The following CDKL5 variants were observed in gnomAD, a reference collection of about 807,000 sequenced individuals.
CDKL5 encodes the protein cyclin dependent kinase like 5.
Under a neutral mutation model 61.7 loss-of-function variants are expected in CDKL5, and 8 were observed. The observed-to-expected ratio is 0.13, with a 90% CI of 0.08 to 0.23. The LOEUF is 0.23. CDKL5 is among the 10% of genes least tolerant of loss of function. CDKL5 has a pLI of 1.00. For synonymous variants in CDKL5, 275 were observed against 272.3 expected (o/e 1.01, Z -0.10); for missense variants, 440 against 734.5 (o/e 0.60, Z 4.63).
intron 3 of CDKL5, among the ~76,000 whole-genome samples, chrX:18,515,648 T>TG (rs1341577175): frequency 9.0e-6 from 1 of 110,743 alleles, no homozygotes; most frequent in Non-Finnish European, 1.9e-5. Context: ...TATATGAGTT[T>TG]GGGGGGAGAA....
Position 18,631,953 on chromosome X carries a change from C to A in CDKL5, c.*3196C>A. 1 of 663,573 alleles carries A rather than the reference C, an allele frequency of 1.5e-6. No individual in the cohort carries two copies. The highest frequency in any genetic ancestry group is 1.8e-6 in the Non-Finnish European group (1 of 556,731). The allele number at this position is 663,573 out of a possible 1,213,427, so 54.7% of individuals were successfully genotyped here. On this transcript the variant is annotated 3_prime_UTR_variant, in exon 18 of 18. Coordinates refer to ENST00000623535, the MANE Select transcript of CDKL5 (RefSeq NM_001323289.2). ...GCAATGTCTGGGGACATTTGGTTGT[C>A]ATAGCTGGGGGGGAGGTGATGGTAT...
chrX:18,494,693 C>T (rs1922107981), intron 1 of CDKL5, among the ~76,000 whole-genome samples: 1 of 112,314 alleles, frequency 8.9e-6, no homozygotes, highest in Non-Finnish European at 1.9e-5. Flanking sequence ...GATTTCCTCC[C>T]TTGTGGAAGG....
intron 3 of CDKL5, among the ~76,000 whole-genome samples, chrX:18,513,630 T>C (rs958842822): frequency 7.2e-5 from 8 of 111,861 alleles, no homozygotes; most frequent in Non-Finnish European, 1.3e-4. Flanking sequence ...TAAAAAGATA[T>C]CACTGGATGG....
intron 3 of CDKL5, among the ~76,000 whole-genome samples, chrX:18,529,564 A>G (rs1324670831): frequency 2.7e-5 from 3 of 111,176 alleles, no homozygotes; most frequent in Non-Finnish European, 5.7e-5. Context: ...ACTGGTGACA[A>G]ATTCACTCAG....
chrX:18,442,933 A>G (rs962314344), intron 1 of CDKL5, among the ~76,000 whole-genome samples: 3 of 112,050 alleles, frequency 2.7e-5, no homozygotes, highest in Non-Finnish European at 5.6e-5. Flanking sequence ...GTCTAAGCTT[A>G]ATTATTATTC....
At chrX:18,608,335 A>G (rs1926430745) in intron 12 of CDKL5, among the ~76,000 whole-genome samples, 1 of 112,252 alleles carries the variant, frequency 8.9e-6, no homozygotes, top group South Asian at 3.7e-4. Flanking sequence ...GACTTACTCT[A>G]TTCCTTGATA....
intron 1 of CDKL5, among the ~76,000 whole-genome samples, chrX:18,499,126 T>C (rs1388301820): frequency 8.9e-6 from 1 of 111,958 alleles, no homozygotes; most frequent in Non-Finnish European, 1.9e-5. Context: ...TTTTTGTGAA[T>C]GTTGTATGTG....
rs548736508 is a variant in CDKL5 at position 18,556,962 on chromosome X, T to A, written c.100-7515T>A. Among the ~76,000 whole-genome samples the A allele has an allele frequency of 3.4e-3, 380 of 111,238 alleles. 2 individuals carry two copies. The Middle Eastern group carries it at 0.042, about 12-fold the overall frequency. On this transcript the variant is annotated intron_variant, in intron 3 of 17. Coordinates refer to ENST00000623535, the MANE Select transcript of CDKL5 (RefSeq NM_001323289.2). ...GCTGAGAAGCGATAAAGTAGTAATTTCTGTGTTTGTAGGGTTTTACTTATG... is the reference window on the plus strand; with the variant it reads ...GCTGAGAAGCGATAAAGTAGTAATTACTGTGTTTGTAGGGTTTTACTTATG...
At chrX:18,522,792 G>GA (rs1923298490) in intron 3 of CDKL5, among the ~76,000 whole-genome samples, 1 of 101,107 alleles carries the variant, frequency 9.9e-6, no homozygotes. Context: ...AAATATTATC[G>GA]ATTTTTTTTT....
rs1234199967 is a variant in CDKL5 at position 18,540,660 on chromosome X, C to A, written c.100-23817C>A. 2.8e-5 allele frequency among the ~76,000 whole-genome samples: 3 copies of A among 108,427 alleles called. No homozygotes were observed. In the South Asian group the frequency reaches 1.2e-3, roughly 43 times the overall value. 94.2% of individuals were successfully genotyped at this position (108,427 alleles called of 115,157 possible). On this transcript the variant is annotated intron_variant, in intron 3 of 17. Coordinates refer to ENST00000623535, the MANE Select transcript of CDKL5 (RefSeq NM_001323289.2). ...ATTCTTTTCTTTTCTTTTTTCTTTT[C>A]TTTTCTTTTCTTTCCCCTTCCCCTT...
At chrX:18,493,583 G>A (rs987607647) in intron 1 of CDKL5, among the ~76,000 whole-genome samples, 2 of 112,089 alleles carry the variant, frequency 1.8e-5, no homozygotes, top group African/African-American at 6.5e-5. Context: ...CAGGTCAATG[G>A]TCTTGAATTC....
At chrX:18,546,577 T>C (rs943578948) in intron 3 of CDKL5, among the ~76,000 whole-genome samples, 2 of 112,103 alleles carry the variant, frequency 1.8e-5, no homozygotes, top group African/African-American at 6.5e-5. Flanking sequence ...ACATATCTTC[T>C]TTCTTTGCCC....
At position 18,635,181 on chromosome X, in the gene CDKL5, A is replaced by G. The variant is rs1223533546; in HGVS notation, c.*6424A>G. The G allele has an allele frequency of 1.3e-6, 1 of 748,170 alleles. No homozygotes were observed. The highest frequency in any genetic ancestry group is 1.6e-6 in the Non-Finnish European group (1 of 634,168). 61.7% of individuals were successfully genotyped at this position (748,170 alleles called of 1,213,427 possible). ...GTAAAGTGTTTCTATAACTCTTTGT[A>G]TCATGTGTTGGTACATCTTATCAAG... On this transcript the variant is annotated 3_prime_UTR_variant, in exon 18 of 18. Transcript: ENST00000623535.
intron 4 of CDKL5, among the ~76,000 whole-genome samples, chrX:18,567,915 C>T: frequency 9.0e-6 from 1 of 111,549 alleles, no homozygotes. Context: ...CCCAACTTAC[C>T]ACACATCATA....
At chrX:18,620,256 A>C (rs1926850843) in intron 16 of CDKL5, among the ~76,000 whole-genome samples, 1 of 112,373 alleles carries the variant, frequency 8.9e-6, no homozygotes, top group South Asian at 3.7e-4. Context: ...TTAATGTAAA[A>C]ACTTTGAAGA....
exon 22 of CDKL5, chrX:18,653,478 C>T (rs1237257643): frequency 8.3e-7 from 1 of 1,211,631 alleles, no homozygotes; most frequent in South Asian, 1.8e-5. Context: ...CCCTGATTCA[C>T]AGGGCCCAGG....
chrX:18,543,008 G>T (rs1312281210), intron 3 of CDKL5, among the ~76,000 whole-genome samples: 2 of 110,620 alleles, frequency 1.8e-5, no homozygotes, highest in Non-Finnish European at 3.8e-5. Flanking sequence ...GATGGGCAAT[G>T]AAAGATTAGC....
intron 3 of CDKL5, among the ~76,000 whole-genome samples, chrX:18,543,890 C>T (rs1924105862): frequency 8.9e-6 from 1 of 112,043 alleles, no homozygotes; most frequent in African/African-American, 3.3e-5. Flanking sequence ...TTCCTCCCCT[C>T]TCATTGGTTG....
chrX:18,458,572 T>C lies in CDKL5; in HGVS notation c.-163+32877T>C, dbSNP rs186601686. Among the ~76,000 whole-genome samples, 744 of 111,545 alleles carry C rather than the reference T, an allele frequency of 6.7e-3. 2 individuals carry two copies. The highest frequency in any genetic ancestry group is 0.01 in the Non-Finnish European group (543 of 53,099). On this transcript the variant is annotated intron_variant, in intron 1 of 17. Coordinates refer to ENST00000623535, the MANE Select transcript of CDKL5 (RefSeq NM_001323289.2). ...CCACCCCAAAATCAGCTGGGTGTGG[T>C]GGCACATGCCTGTAGTTCCAGCTAC...
Sources: allele counts gnomAD v4.1 joint callset (sites outside exome capture counted in the v4.1 genomes callset), GRCh38; gene constraint gnomAD v4.1.1; transcripts MANE v1.5; gene names NCBI Gene and HGNC (gene_info 2026-07-23, HGNC 2026-07-21).